TRPM3: variants seen among roughly 807,000 people sequenced by gnomAD.
TRPM3 encodes the protein transient receptor potential cation channel subfamily M member 3.
Under a neutral mutation model 181.2 loss-of-function variants are expected in TRPM3, and 77 were observed. The ratio of observed to expected loss-of-function variants is 0.42; its 90% CI spans 0.35 to 0.51. TRPM3 has a LOEUF of 0.51. TRPM3 is among the 20% of genes least tolerant of loss of function. The probability of loss-of-function intolerance (pLI) is 0.01; values close to 1 mark genes in which losing one functional copy is unlikely to be tolerated. For synonymous variants in TRPM3, 745 were observed against 796.4 expected, an observed-to-expected ratio of 0.94 and a Z score of 1.09; for missense variants, 1,759 against 2,196.7, an observed-to-expected ratio of 0.80 and a Z score of 3.98.
intron 1 of TRPM3, among the ~76,000 whole-genome samples, chr9:71,446,493 C>T (rs1758278179): frequency 6.6e-6 from 1 of 152,204 alleles, no homozygotes; most frequent in African/African-American, 2.4e-5. Context: ...CCTTCTCGCC[C>T]TTCCTCACAG....
At chr9:70,777,469 C>A (rs1218057702) in intron 7 of TRPM3, among the ~76,000 whole-genome samples, 2 of 152,010 alleles carry the variant, frequency 1.3e-5, no homozygotes, top group East Asian at 3.9e-4. Flanking sequence ...AAATAGGGAA[C>A]TCTAAGACAA....
chr9:70,553,135 C>T, intron 23 of TRPM3, 25 bp downstream of exon 23: 2 of 1,614,078 alleles, frequency 1.2e-6, no homozygotes, highest in South Asian at 2.2e-5. Context: ...TCATCCATCC[C>T]ACGTGCTCCA....
chr9:70,988,364 T>C (rs1343277803), intron 1 of TRPM3, among the ~76,000 whole-genome samples: 1 of 152,186 alleles, frequency 6.6e-6, no homozygotes, highest in East Asian at 1.9e-4. Flanking sequence ...AAGCCTTCAT[T>C]GTCTCACCTG....
chr9:70,992,703 A>G (rs1328316234), intron 1 of TRPM3, among the ~76,000 whole-genome samples: 1 of 152,242 alleles, frequency 6.6e-6, no homozygotes, highest in South Asian at 2.1e-4. Context: ...TTAAATAACC[A>G]TATGTTGGCA....
At chr9:71,293,559 G>A (rs2086002584) in intron 1 of TRPM3, among the ~76,000 whole-genome samples, 1 of 151,362 alleles carries the variant, frequency 6.6e-6, no homozygotes. Context: ...TTTATTGAAA[G>A]ACTCTAAGAG....
At chr9:70,635,369 T>A in intron 11 of TRPM3, 108 bp from the exon 12 acceptor site, 3 of 835,546 alleles carry the variant, frequency 3.6e-6, no homozygotes, top group Non-Finnish European at 6.0e-6. Flanking sequence ...GGCAGTTCAT[T>A]AAGATGGACC....
intron 1 of TRPM3, among the ~76,000 whole-genome samples, chr9:70,913,649 T>C (rs1011679275): frequency 1.3e-5 from 2 of 152,194 alleles, no homozygotes; most frequent in Admixed American, 1.3e-4. Flanking sequence ...TTCTAGAGGA[T>C]CATTCATGAT....
At chr9:70,670,929 C>A (rs2062795603) in intron 9 of TRPM3, among the ~76,000 whole-genome samples, 1 of 152,072 alleles carries the variant, frequency 6.6e-6, no homozygotes, top group African/African-American at 2.4e-5. Flanking sequence ...CTGGCTACAG[C>A]CAGTAAAGAA....
intron 1 of TRPM3, among the ~76,000 whole-genome samples, chr9:71,263,576 G>A (rs559576916): frequency 6.6e-6 from 1 of 152,220 alleles, no homozygotes; most frequent in African/African-American, 2.4e-5. Context: ...TTAGTCATGA[G>A]GGATTTCATC....
rs1380133778 is a variant in TRPM3 at position 71,399,862 on chromosome 9, A to AT, written c.183+46790dup. Reference sequence around the variant, plus strand: ...TTCTTTTCGTTTCCAGAAGTTGTTGATTTTTTTCTGAATATAGTTTATTCT... The same window carrying AT: ...TTCTTTTCGTTTCCAGAAGTTGTTGATTTTTTTTCTGAATATAGTTTATTCT... On this transcript the variant is annotated intron_variant, in intron 1 of 24. Coordinates refer to the TRPM3 transcript ENST00000357533. Among the ~76,000 whole-genome samples, 3 of 151,746 alleles carry AT rather than the reference A, an allele frequency of 2.0e-5. No homozygotes were observed. The East Asian group carries it at 5.8e-4, about 29-fold the overall frequency.
intron 1 of TRPM3, among the ~76,000 whole-genome samples, chr9:71,373,288 G>A (rs2092576436): frequency 1.4e-5 from 2 of 142,982 alleles, no homozygotes; most frequent in Admixed American, 1.5e-4. Context: ...TGAAGTGAAG[G>A]AAATAGAGAC....
intron 7 of TRPM3, among the ~76,000 whole-genome samples, chr9:70,779,976 C>A (rs1193759600): frequency 6.6e-6 from 1 of 152,116 alleles, no homozygotes; most frequent in Non-Finnish European, 1.5e-5. Context: ...AATTTAACTG[C>A]AATTATCTCT....
intron 1 of TRPM3, among the ~76,000 whole-genome samples, chr9:70,879,148 C>A (rs950849720): frequency 3.9e-5 from 6 of 151,980 alleles, no homozygotes; most frequent in Admixed American, 2.6e-4. Context: ...TGTGATGCAG[C>A]TGGAAGGCAA....
chr9:70,755,457 G>A (rs1200222527), intron 8 of TRPM3, among the ~76,000 whole-genome samples: 4 of 150,982 alleles, frequency 2.6e-5, no homozygotes, highest in Non-Finnish European at 5.9e-5. Flanking sequence ...TGCAACCTCT[G>A]CCTCCCAGGT....
rs1590936540 is a variant in TRPM3 at position 71,045,145 on chromosome 9, T to G, written c.177+76033A>C. ...GGAGTCTCGCTCTGTCACCCAGGCT[T>G]GAGTGCAGTGGTGCGATCTCAGCTT... is the stretch of plus-strand genomic sequence containing the variant. On this transcript the variant is annotated intron_variant, in intron 1 of 25. Transcript: ENST00000677713. 4.7e-5 allele frequency among the ~76,000 whole-genome samples: 7 copies of G among 149,432 alleles called. No individual in the cohort carries two copies. In the East Asian group the frequency reaches 8.1e-4, roughly 17 times the overall value.
chr9:71,388,278 G>A (rs766084921), intron 1 of TRPM3, among the ~76,000 whole-genome samples: 1 of 152,120 alleles, frequency 6.6e-6, no homozygotes, highest in Non-Finnish European at 1.5e-5. Flanking sequence ...AAGTAAAATC[G>A]CTGTTTTTTT....
intron 9 of TRPM3, among the ~76,000 whole-genome samples, chr9:70,678,657 T>C (rs767517264): frequency 7.2e-5 from 11 of 152,186 alleles, no homozygotes; most frequent in Non-Finnish European, 1.5e-4. Flanking sequence ...TCTTCCTAAC[T>C]TCTGGTTCTC....
chr9:70,638,554 A>AAAAAC (rs931785650), intron 11 of TRPM3, among the ~76,000 whole-genome samples: 2 of 152,070 alleles, frequency 1.3e-5, no homozygotes, highest in African/African-American at 4.8e-5. Flanking sequence ...TACTAAGCTA[A>AAAAAC]AAAACAAAAC....
chr9:71,142,980 T>TAA (rs34661280), intron 1 of TRPM3, among the ~76,000 whole-genome samples: 29,244 of 146,536 alleles, frequency 0.2, 3,105 homozygotes, highest in African/African-American at 0.29. Flanking sequence ...AAGAAAATGT[T>TAA]AAAAAAAAAA....
Sources: gnomAD v4.1 joint callset for allele counts (sites outside exome capture counted in the v4.1 genomes callset) on GRCh38, gnomAD v4.1.1 for gene constraint, MANE v1.5 for transcripts, NCBI Gene and HGNC (gene_info 2026-07-23, HGNC 2026-07-21) for gene names.